LRRC4C: variants seen among roughly 807,000 people sequenced by gnomAD.
The protein encoded by LRRC4C is leucine rich repeat containing 4C.
Under a neutral mutation model 33.6 loss-of-function variants are expected in LRRC4C, and 5 were observed. The observed-to-expected ratio is 0.15, with a 90% CI of 0.08 to 0.31. The LOEUF is 0.31. Ranked by LOEUF, LRRC4C falls within the 10% of genes least tolerant of loss-of-function variation. The pLI, the probability that LRRC4C is intolerant of heterozygous loss-of-function variation, is 1.00. For missense variants in LRRC4C, 560 were observed against 796.7 expected, an observed-to-expected ratio of 0.70 and a Z score of 3.58; for synonymous variants, 329 against 302.0, an observed-to-expected ratio of 1.09 and a Z score of -0.93.
Position 41,010,671 on chromosome 11 carries a change from G to T in LRRC4C, c.-495-76948C>A, listed in dbSNP as rs112073841. Among the ~76,000 whole-genome samples the T allele has an allele frequency of 9.2e-5, 14 of 152,274 alleles. 1 individual carries two copies. Among genetic ancestry groups the T allele is most frequent in the African/African-American group, 3.4e-4 (14 of 41,568 alleles). On this transcript the variant is annotated intron_variant, in intron 1 of 6. Coordinates refer to ENST00000528697, the MANE Select transcript of LRRC4C (RefSeq NM_001258419.2). ...GTGGCTCAGTCTAGGCTAAGCAAGT[G>T]AAATCATATTTTTGAGAGAGATTAG...
At position 41,296,948 on chromosome 11, in the gene LRRC4C, T is replaced by A. The variant is rs532717184; in HGVS notation, c.-496+162483A>T. Among the ~76,000 whole-genome samples, 3 of 151,908 alleles carry A rather than the reference T, an allele frequency of 2.0e-5. No homozygotes were observed. In the South Asian group the frequency reaches 6.2e-4, roughly 32 times the overall value. On this transcript the variant is annotated intron_variant, in intron 1 of 6. Coordinates refer to ENST00000528697, the MANE Select transcript of LRRC4C (RefSeq NM_001258419.2). The stretch of plus-strand genomic sequence containing the variant: ...ATACAAGCAGTGAGAAAGTCCACAC[T>A]TTTCTTTTACCGGATCTTAATGGAA...
At chr11:41,165,123 G>A (rs751687833) in intron 1 of LRRC4C, among the ~76,000 whole-genome samples, 5 of 152,120 alleles carry the variant, frequency 3.3e-5, no homozygotes, top group African/African-American at 4.8e-5. Flanking sequence ...TAAATAGCGC[G>A]GGTTCCCAGA....
intron 1 of LRRC4C, among the ~76,000 whole-genome samples, chr11:41,344,367 C>A (rs948187617): frequency 3.3e-5 from 5 of 151,786 alleles, no homozygotes; most frequent in South Asian, 2.1e-4. Flanking sequence ...AGTACAGGCG[C>A]CCGCCACCAC....
At chr11:41,284,153 G>A (rs1949751358) in intron 1 of LRRC4C, among the ~76,000 whole-genome samples, 1 of 152,118 alleles carries the variant, frequency 6.6e-6, no homozygotes, top group Non-Finnish European at 1.5e-5. Context: ...CAATGATTAC[G>A]TTTCATTGAG....
chr11:41,077,897 T>C (rs1939275380), intron 1 of LRRC4C, among the ~76,000 whole-genome samples: 2 of 152,206 alleles, frequency 1.3e-5, no homozygotes, highest in African/African-American at 4.8e-5. Flanking sequence ...AATATGACTG[T>C]ACACTTCTAG....
intron 2 of LRRC4C, among the ~76,000 whole-genome samples, chr11:40,856,255 C>G (rs1470606795): frequency 2.0e-5 from 3 of 152,120 alleles, no homozygotes; most frequent in Non-Finnish European, 4.4e-5. Flanking sequence ...GTTTCTGAAA[C>G]AGTTTGGATA....
intron 2 of LRRC4C, among the ~76,000 whole-genome samples, chr11:40,736,093 C>T (rs1947853733): frequency 6.6e-6 from 1 of 152,030 alleles, no homozygotes; most frequent in African/African-American, 2.4e-5. Flanking sequence ...GTACACGTGC[C>T]ATGGTGGTTT....
intron 1 of LRRC4C, among the ~76,000 whole-genome samples, chr11:41,441,576 A>G (rs1955620542): frequency 6.7e-6 from 1 of 150,016 alleles, no homozygotes; most frequent in Middle Eastern, 3.2e-3. Context: ...TCAGAGACTT[A>G]AGCTGGGGGC....
rs1945252610 is a variant in LRRC4C, at chr11:40,692,284, A to C, written c.-406-44006T>G. 2.6e-5 allele frequency among the ~76,000 whole-genome samples: 4 copies of C among 151,434 alleles called. No homozygotes were observed. The South Asian group carries it at 8.3e-4, about 32-fold the overall frequency. Reference sequence around the variant, plus strand: ...TGTCAGTGGAGGTGTTCAATATCCAAGCAGGGGTGAGGTGGGGGGGATGGG... The same window carrying C: ...TGTCAGTGGAGGTGTTCAATATCCACGCAGGGGTGAGGTGGGGGGGATGGG... On this transcript the variant is annotated intron_variant, in intron 2 of 6. Transcript: ENST00000528697.
At chr11:41,064,623 A>G (rs1460748356) in intron 1 of LRRC4C, among the ~76,000 whole-genome samples, 12 of 152,198 alleles carry the variant, frequency 7.9e-5, no homozygotes, top group Admixed American at 7.9e-4. Flanking sequence ...ATTGTGACCC[A>G]CCAGGGGCCA....
chr11:40,478,195 A>G (rs1405183446), intron 3 of LRRC4C, among the ~76,000 whole-genome samples: 2 of 152,226 alleles, frequency 1.3e-5, no homozygotes, highest in Non-Finnish European at 2.9e-5. Flanking sequence ...AGACTGAGAA[A>G]AAGTCACTGG....
At chr11:40,571,033 G>A (rs1466653559) in intron 3 of LRRC4C, among the ~76,000 whole-genome samples, 8 of 151,994 alleles carry the variant, frequency 5.3e-5, no homozygotes, top group African/African-American at 1.9e-4. Flanking sequence ...TATAAGTTCT[G>A]AGGCACTGTA....
At chr11:40,820,479 G>C (rs954600491) in intron 2 of LRRC4C, among the ~76,000 whole-genome samples, 1 of 151,752 alleles carries the variant, frequency 6.6e-6, no homozygotes, top group Non-Finnish European at 1.5e-5. Flanking sequence ...ATGAAGAGTA[G>C]GGAGTAAAAC....
intron 3 of LRRC4C, among the ~76,000 whole-genome samples, chr11:40,369,602 T>G (rs1471931517): frequency 3.3e-5 from 5 of 152,266 alleles, no homozygotes; most frequent in Admixed American, 2.6e-4. Flanking sequence ...CCTCCCAAAG[T>G]GCTGGGATTA....
chr11:40,819,921 A>G (rs1052023219), intron 2 of LRRC4C, among the ~76,000 whole-genome samples: 1 of 152,072 alleles, frequency 6.6e-6, no homozygotes, highest in Non-Finnish European at 1.5e-5. Context: ...CTGAGCAGAA[A>G]CATCAGCAAC....
chr11:41,370,884 G>T (rs1362779350), intron 1 of LRRC4C, among the ~76,000 whole-genome samples: 5 of 151,938 alleles, frequency 3.3e-5, no homozygotes, highest in Non-Finnish European at 7.4e-5. Context: ...TTTTATGTGG[G>T]CAACATCCCT....
At chr11:41,283,308 TA>T (rs1413854025) in intron 1 of LRRC4C, among the ~76,000 whole-genome samples, 1 of 152,228 alleles carries the variant, frequency 6.6e-6, no homozygotes, top group Non-Finnish European at 1.5e-5. Context: ...TAACATCATT[TA>T]TATTAGGTAA....
At chr11:40,418,114 C>A (rs1950393466) in intron 3 of LRRC4C, among the ~76,000 whole-genome samples, 1 of 152,076 alleles carries the variant, frequency 6.6e-6, no homozygotes, top group Non-Finnish European at 1.5e-5. Context: ...GACACAGAAG[C>A]AAATATGTGA....
At chr11:40,246,814 A>C (rs1191179895) in intron 4 of LRRC4C, among the ~76,000 whole-genome samples, 1 of 152,202 alleles carries the variant, frequency 6.6e-6, no homozygotes, top group Non-Finnish European at 1.5e-5. Context: ...TTAGAAATAA[A>C]AAGTATATGT....
Sources: gnomAD v4.1 joint callset for allele counts (sites outside exome capture counted in the v4.1 genomes callset) on GRCh38, gnomAD v4.1.1 for gene constraint, MANE v1.5 for transcripts, NCBI Gene and HGNC (gene_info 2026-07-23, HGNC 2026-07-21) for gene names.